PDE9A: variants seen among roughly 807,000 people sequenced by gnomAD.
PDE9A encodes the protein phosphodiesterase 9A, also known as high affinity cGMP-specific 3',5'-cyclic phosphodiesterase 9A.
Under a neutral mutation model 87.4 loss-of-function variants are expected in PDE9A, and 60 were observed. That is an observed-to-expected ratio of 0.69 (90% CI 0.56 to 0.85). PDE9A has a LOEUF of 0.85. Ranked by LOEUF, PDE9A falls within the 40% of genes least tolerant of loss-of-function variation. The probability of loss-of-function intolerance (pLI) is 0.00; values close to 1 mark genes in which losing one functional copy is unlikely to be tolerated. For missense variants in PDE9A, 665 were observed against 779.0 expected, an observed-to-expected ratio of 0.85 and a Z score of 1.74; for synonymous variants, 272 against 279.4, an observed-to-expected ratio of 0.97 and a Z score of 0.27.
chr21:42,664,204 C>T (rs971572708), intron 1 of PDE9A, among the ~76,000 whole-genome samples: 11 of 152,200 alleles, frequency 7.2e-5, no homozygotes, highest in Admixed American at 1.3e-4. Context: ...CTAAAAATAG[C>T]GAGGCCAAGA....
intron 18 of PDE9A, 47 bp downstream of exon 18, chr21:42,770,845 C>G: frequency 7.1e-7 from 1 of 1,405,574 alleles, no homozygotes; most frequent in African/African-American, 1.4e-5. Flanking sequence ...CAAGCAGGCA[C>G]GCTGCCCTCC....
chr21:42,666,574 C>A (rs2058009825), intron 1 of PDE9A, among the ~76,000 whole-genome samples: 1 of 152,188 alleles, frequency 6.6e-6, no homozygotes, highest in South Asian at 2.1e-4. Context: ...CCCTCGCGGT[C>A]TGAAGGCCGA....
chr21:42,679,945 C>T (rs952439713), intron 1 of PDE9A, among the ~76,000 whole-genome samples: 14 of 152,200 alleles, frequency 9.2e-5, no homozygotes, highest in African/African-American at 3.1e-4. Context: ...AGAAGATCTG[C>T]GTTGCTGCAG....
intron 9 of PDE9A, among the ~76,000 whole-genome samples, chr21:42,753,014 T>TTA (rs35923010): frequency 0.38 from 57,986 of 151,396 alleles, 11,319 homozygotes; most frequent in South Asian, 0.55. Context: ...CCTTTTTTTA[T>TTA]TATTATTTTT....
Position 42,704,947 on chromosome 21 carries a change from G to A in PDE9A, c.262+5936G>A, listed in dbSNP as rs1471808621. 1.3e-5 allele frequency among the ~76,000 whole-genome samples: 2 copies of A among 152,244 alleles called. No individual in the cohort carries two copies. Among genetic ancestry groups the A allele is most frequent in the Non-Finnish European group, 2.9e-5 (2 of 68,044 alleles). On this transcript the variant is annotated intron_variant, in intron 4 of 19. Transcript: ENST00000291539. The surrounding 1 kb of genome is among the most constrained non-coding windows in gnomAD (Gnocchi z 5.3). ...ACTTAAATATTCAGGAAATAGTAAA[G>A]AGAAGAGTATTATCAAAAACGTGAC...
At chr21:42,768,997 T>C in intron 16 of PDE9A, 30 bp from the exon 17 acceptor site, 4 of 1,590,310 alleles carry the variant, frequency 2.5e-6, no homozygotes, top group Non-Finnish European at 3.4e-6. Context: ...TTTCTGTCTC[T>C]AATGTCACTG....
chr21:42,713,542 T>C (rs922251782), intron 4 of PDE9A, among the ~76,000 whole-genome samples: 1 of 152,244 alleles, frequency 6.6e-6, no homozygotes, highest in Admixed American at 6.5e-5. Flanking sequence ...AGTGTCTTTG[T>C]CATGTTTTGA....
Position 42,760,884 on chromosome 21 carries a change from G to A in PDE9A, c.1062G>A (p.Leu354=), listed in dbSNP as rs150722721. 29 of 1,611,112 alleles carry A rather than the reference G, an allele frequency of 1.8e-5. No homozygotes were observed. The highest frequency in any genetic ancestry group is 2.2e-5 in the Non-Finnish European group (26 of 1,177,184). Residue 354 remains leucine (L), a synonymous_variant, in exon 13 of 20, where the codon CTG becomes CTA. Transcript: ENST00000291539. The surrounding 1 kb of genome is among the most constrained non-coding windows in gnomAD (Gnocchi z 5.2). ...ILMTAAICHD[L]DHPGYNNTYQ... ...TGACAGCGGCCATCTGCCACGATCT[G>A]GACCATCCCGGCTACAACAACACGT...
intron 4 of PDE9A, among the ~76,000 whole-genome samples, chr21:42,711,164 G>C (rs2049301390): frequency 6.6e-6 from 1 of 151,772 alleles, no homozygotes; most frequent in African/African-American, 2.4e-5. Context: ...GAGGTCATTT[G>C]ATGAGCAGAG....
At chr21:42,665,598 AC>A (rs2057908199) in intron 1 of PDE9A, among the ~76,000 whole-genome samples, 1 of 152,048 alleles carries the variant, frequency 6.6e-6, no homozygotes, top group Admixed American at 6.5e-5. Context: ...CTCTGCTCCT[AC>A]AGCTCCCGGC....
At chr21:42,654,083 TGGGGGGGC>T (rs1569082999) in intron 1 of PDE9A, among the ~76,000 whole-genome samples, 200 bp downstream of exon 1, 1 of 70,042 alleles carries the variant, frequency 1.4e-5, no homozygotes, top group African/African-American at 7.3e-5. Context: ...GGGTGGGGGG[TGGGGGGGC>T]GGGCTAGTGT....
chr21:42,760,768 C>T lies in PDE9A; in HGVS notation c.1003-57C>T. The T allele has an allele frequency of 1.0e-6, 1 of 968,318 alleles. No individual in the cohort carries two copies. Among genetic ancestry groups the T allele is most frequent in the South Asian group, 1.3e-5 (1 of 76,818 alleles). 60.0% of individuals were successfully genotyped at this position (968,318 alleles called of 1,614,324 possible). On this transcript the variant is annotated intron_variant, in intron 12 of 19. Coordinates refer to ENST00000291539, the MANE Select transcript of PDE9A (RefSeq NM_002606.3). The surrounding 1 kb of genome is among the most constrained non-coding windows in gnomAD (Gnocchi z 5.2). ...CTCACCCAATTCCACCCCCCCTCAC[C>T]CCATCCCACCCTCCGAGTGAAGAGA...
intron 1 of PDE9A, among the ~76,000 whole-genome samples, chr21:42,679,492 T>C (rs1307374554): frequency 6.6e-6 from 1 of 152,098 alleles, no homozygotes; most frequent in Non-Finnish European, 1.5e-5. Flanking sequence ...AGCTCCTCCT[T>C]CTGGACCCAG....
chr21:42,750,646 G>A (rs932012276), intron 8 of PDE9A, among the ~76,000 whole-genome samples: 9 of 151,516 alleles, frequency 5.9e-5, no homozygotes, highest in African/African-American at 2.2e-4. Flanking sequence ...CACAATCTCT[G>A]CTCACTGCAA....
At chr21:42,764,387 A>AATCT (rs1232698085) in intron 14 of PDE9A, among the ~76,000 whole-genome samples, 1 of 152,198 alleles carries the variant, frequency 6.6e-6, no homozygotes, top group African/African-American at 2.4e-5. Context: ...AGCTGTGGCA[A>AATCT]ATCTTCGTCT....
chr21:42,706,161 C>T (rs1242193613), intron 4 of PDE9A, among the ~76,000 whole-genome samples: 1 of 152,192 alleles, frequency 6.6e-6, no homozygotes, highest in Admixed American at 6.5e-5. Flanking sequence ...GAGAGTTCCC[C>T]CAGGTGGTGA....
intron 4 of PDE9A, among the ~76,000 whole-genome samples, chr21:42,717,992 T>C (rs1569195559): frequency 6.6e-6 from 1 of 151,692 alleles, no homozygotes; most frequent in Non-Finnish European, 1.5e-5. Context: ...CGATCTCGGC[T>C]CACTGCAACC....
intron 4 of PDE9A, among the ~76,000 whole-genome samples, chr21:42,711,641 C>T (rs1380087153): frequency 1.3e-5 from 2 of 152,050 alleles, no homozygotes; most frequent in Non-Finnish European, 2.9e-5. Flanking sequence ...AGAGTTATAG[C>T]TGTTATGTTT....
At chr21:42,663,920 T>C (rs968306936) in intron 1 of PDE9A, among the ~76,000 whole-genome samples, 6 of 152,196 alleles carry the variant, frequency 3.9e-5, no homozygotes, top group African/African-American at 1.4e-4. Flanking sequence ...ATCAGCTGGA[T>C]GCCAGGACAC....
Sources: allele counts gnomAD v4.1 joint callset (sites outside exome capture counted in the v4.1 genomes callset), GRCh38; gene constraint gnomAD v4.1.1; non-coding constraint Gnocchi (gnomAD v3.1); transcripts MANE v1.5; gene names NCBI Gene and HGNC (gene_info 2026-07-23, HGNC 2026-07-21).